Variants in SPESP1 observed in about 807,000 individuals in gnomAD.
The protein encoded by SPESP1 is sperm equatorial segment protein 1, also known as equatorial segment protein.
SPESP1 carries 1 observed loss-of-function variant against 3.1 expected under a neutral mutation model. That is an observed-to-expected ratio of 0.33 (90% CI 0.12 to 1.54). The LOEUF is 1.54. SPESP1 is among the 40% of genes most tolerant of loss of function. SPESP1 has a pLI of 0.38. For synonymous variants in SPESP1, 138 were observed against 150.7 expected, an observed-to-expected ratio of 0.92 and a Z score of 0.62; for missense variants, 398 against 410.1, an observed-to-expected ratio of 0.97 and a Z score of 0.26.
intron 1 of SPESP1, among the ~76,000 whole-genome samples, chr15:68,931,040 C>T (rs761053015): frequency 2.0e-5 from 3 of 152,164 alleles, no homozygotes; most frequent in Admixed American, 2.0e-4. Flanking sequence ...GTGCAGGGGT[C>T]GTGTGACAGC....
intron 1 of SPESP1, among the ~76,000 whole-genome samples, chr15:68,932,185 A>G (rs1895560803): frequency 6.6e-6 from 1 of 152,178 alleles, no homozygotes; most frequent in Non-Finnish European, 1.5e-5. Flanking sequence ...CATTATTACT[A>G]ACACCAGTTA....
chr15:68,946,627 A>T lies in SPESP1; in HGVS notation c.*40A>T. The T allele has an allele frequency of 7.2e-7, 1 of 1,389,412 alleles. No homozygotes were observed. The highest frequency in any genetic ancestry group is 9.3e-7 in the Non-Finnish European group (1 of 1,074,610). The allele number at this position is 1,389,412 out of a possible 1,614,324, so 86.1% of individuals were successfully genotyped here. ...ATTTTAAACCTACTTGATATTCCAT[A>T]ACAAAGCTGATTTAAGCAAACTGCA... On this transcript the variant is annotated 3_prime_UTR_variant, in exon 2 of 2. Coordinates refer to ENST00000310673, the MANE Select transcript of SPESP1 (RefSeq NM_145658.4).
rs1464112957 is a variant in SPESP1 at position 68,946,433 on chromosome 15, T to C, written c.899T>C (p.Ile300Thr). The C allele has an allele frequency of 2.5e-6, 4 of 1,613,996 alleles. No individual in the cohort carries two copies. The highest frequency in any genetic ancestry group is 2.7e-5 in the African/African-American group (2 of 74,910). The change falls in exon 2 of 2, where the codon ATT becomes ACT. Residue 300 changes from isoleucine (I) to threonine (T), a missense_variant. By Grantham distance (89) the Ile-to-Thr change is moderately conservative (BLOSUM62 -1). Transcript: ENST00000310673. Reference protein sequence around the residue: ...SNKIDDIETVINMLCNSRSKL... With the variant: ...SNKIDDIETVTNMLCNSRSKL... ...AAAATTGATGACATCGAAACTGTTA[T>C]TAACATGCTGTGTAATTCTAGATCT... is the stretch of plus-strand genomic sequence containing the variant.
chr15:68,943,050 A>C (rs1033642725), intron 1 of SPESP1, among the ~76,000 whole-genome samples: 1 of 151,922 alleles, frequency 6.6e-6, no homozygotes, highest in Non-Finnish European at 1.5e-5. Context: ...TGTGACTTAT[A>C]ATGGTTTACT....
chr15:68,937,482 ATTATT>A (rs2140421498), intron 1 of SPESP1, among the ~76,000 whole-genome samples: 1 of 152,202 alleles, frequency 6.6e-6, no homozygotes, highest in Non-Finnish European at 1.5e-5. Context: ...GATGGAACTT[ATTATT>A]TTTTTTCTTT....
chr15:68,946,148 A>G lies in SPESP1; in HGVS notation c.614A>G (p.Glu205Gly), dbSNP rs772059822. ...GAAGATGTTCCTCAGCTCTCAGGTGAAACTGCGATAGAAAAACCCGAAGAG... is the reference window on the plus strand; with the variant it reads ...GAAGATGTTCCTCAGCTCTCAGGTGGAACTGCGATAGAAAAACCCGAAGAG... Reference protein sequence around the residue: ...ESEDVPQLSGETAIEKPEEFG... With the variant: ...ESEDVPQLSGGTAIEKPEEFG... Residue 205 changes from glutamate to glycine, a missense_variant, in exon 2 of 2, where the codon GAA (glutamate) becomes GGA (glycine). By Grantham distance (98) the Glu-to-Gly change is moderately conservative (BLOSUM62 -2). Coordinates refer to ENST00000310673, the MANE Select transcript of SPESP1 (RefSeq NM_145658.4). 1 of 1,614,234 alleles carries G rather than the reference A, an allele frequency of 6.2e-7. No individual in the cohort carries two copies. The highest frequency in any genetic ancestry group is 1.1e-5 in the South Asian group (1 of 91,086).
At chr15:68,943,181 CCTT>C (rs1185126842) in intron 1 of SPESP1, among the ~76,000 whole-genome samples, 1 of 151,872 alleles carries the variant, frequency 6.6e-6, no homozygotes, top group African/African-American at 2.4e-5. Flanking sequence ...CACTGCCTCT[CCTT>C]AGAGGCAACT....
In SPESP1 at chr15:68,946,572, A is replaced by G; in HGVS notation, c.1038A>G (p.Leu346=). 2 of 1,439,504 alleles carry G rather than the reference A, an allele frequency of 1.4e-6. No homozygotes were observed. Among genetic ancestry groups the G allele is most frequent in the South Asian group, 1.7e-5 (1 of 59,976 alleles). The allele number at this position is 1,439,504 out of a possible 1,614,324, so 89.2% of individuals were successfully genotyped here. The part of the protein sequence containing the change: ...NMCRSRRVTA[L]LKVY ...GTAGATCAAGGAGAGTCACAGCCTT[A>G]TTAAAAGTTTATTAAACAATAATAT... The change falls in exon 2 of 2, where the codon TTA becomes TTG. Residue 346 remains leucine (L), a synonymous_variant. Transcript: ENST00000310673.
intron 1 of SPESP1, among the ~76,000 whole-genome samples, chr15:68,933,957 T>C (rs1338278985): frequency 6.6e-6 from 1 of 152,052 alleles, no homozygotes; most frequent in Non-Finnish European, 1.5e-5. Context: ...TAATTGGCCT[T>C]TTTAAATTTT....
chr15:68,936,656 C>T (rs562427949), intron 1 of SPESP1, among the ~76,000 whole-genome samples: 11 of 152,130 alleles, frequency 7.2e-5, no homozygotes, highest in African/African-American at 2.7e-4. Context: ...ATACTGAAAA[C>T]CATTGAATTT....
chr15:68,945,981 G>T lies in SPESP1; in HGVS notation c.447G>T (p.Pro149=), dbSNP rs139121625. Residue 149 remains proline, a synonymous_variant, in exon 2 of 2, where the codon CCG becomes CCT. Coordinates refer to ENST00000310673, the MANE Select transcript of SPESP1 (RefSeq NM_145658.4). ...YIENEEPEPE[P]EPAAKQTEAP... is the part of the protein sequence containing the mutation. ...AAAATGAAGAGCCAGAGCCAGAGCC[G>T]GAGCCAGCTGCAAAACAAACTGAGG... is the stretch of plus-strand genomic sequence containing the variant. 7 of 1,613,888 alleles carry T rather than the reference G, an allele frequency of 4.3e-6. No homozygotes were observed. The highest frequency in any genetic ancestry group is 5.9e-6 in the Non-Finnish European group (7 of 1,179,978).
At chr15:68,939,636 T>C (rs920489844) in intron 1 of SPESP1, among the ~76,000 whole-genome samples, 5 of 152,002 alleles carry the variant, frequency 3.3e-5, no homozygotes, top group African/African-American at 7.2e-5. Flanking sequence ...GAATTAACAA[T>C]AGAAAAATAT....
intron 1 of SPESP1, among the ~76,000 whole-genome samples, chr15:68,931,999 A>G (rs183902936): frequency 6.6e-6 from 1 of 152,372 alleles, no homozygotes; most frequent in Admixed American, 6.5e-5. Context: ...TAAATTATGA[A>G]TAGTAATGGG....
At chr15:68,934,139 C>G (rs554505416) in intron 1 of SPESP1, among the ~76,000 whole-genome samples, 128 of 152,040 alleles carry the variant, frequency 8.4e-4, no homozygotes, top group Non-Finnish European at 1.5e-3. Context: ...ATTATTTCCT[C>G]TAGATCATCT....
intron 1 of SPESP1, among the ~76,000 whole-genome samples, chr15:68,938,969 C>G (rs894863353): frequency 6.6e-6 from 1 of 152,126 alleles, no homozygotes; most frequent in African/African-American, 2.4e-5. Flanking sequence ...TTCCATTTCC[C>G]CTTTGGATTT....
chr15:68,936,715 A>C (rs967300059), intron 1 of SPESP1, among the ~76,000 whole-genome samples: 1 of 152,206 alleles, frequency 6.6e-6, no homozygotes, highest in Non-Finnish European at 1.5e-5. Context: ...TTTTAATATT[A>C]AGATTGTGAT....
intron 1 of SPESP1, among the ~76,000 whole-genome samples, chr15:68,944,642 T>G (rs1035721732): frequency 3.9e-5 from 6 of 152,108 alleles, no homozygotes; most frequent in African/African-American, 1.4e-4. Flanking sequence ...ACTCACAAAC[T>G]TTTTCTGTAA....
At chr15:68,933,131 G>T (rs1895593542) in intron 1 of SPESP1, among the ~76,000 whole-genome samples, 1 of 152,188 alleles carries the variant, frequency 6.6e-6, no homozygotes, top group South Asian at 2.1e-4. Context: ...GTGCAGCTTT[G>T]ACACATTTTT....
chr15:68,946,006 G>A lies in SPESP1; in HGVS notation c.472G>A (p.Ala158Thr), dbSNP rs1416222041. 1.2e-6 allele frequency: 2 copies of A among 1,614,098 alleles called. No individual in the cohort carries two copies. Among genetic ancestry groups the A allele is most frequent in the Non-Finnish European group, 1.7e-6 (2 of 1,180,026 alleles). ...EPEPAAKQTE[A>T]PRMLPVVTES... ...GGAGCCAGCTGCAAAACAAACTGAG[G>A]CACCAAGAATGTTGCCAGTTGTTAC... is the stretch of plus-strand genomic sequence containing the variant. Residue 158 changes from alanine to threonine, a missense_variant, in exon 2 of 2, where the codon GCA (alanine) becomes ACA (threonine). Physicochemically the swap from Ala to Thr is moderately conservative, Grantham distance 58. Coordinates refer to ENST00000310673, the MANE Select transcript of SPESP1 (RefSeq NM_145658.4).
Sources: allele counts gnomAD v4.1 joint callset (sites outside exome capture counted in the v4.1 genomes callset), GRCh38; gene constraint gnomAD v4.1.1; transcripts MANE v1.5; gene names NCBI Gene and HGNC (gene_info 2026-07-23, HGNC 2026-07-21).